The following RPTOR variants were observed in gnomAD, a reference collection of about 807,000 sequenced individuals.
RPTOR encodes the protein regulatory associated protein of MTOR complex 1, also known as regulatory-associated protein of mTOR.
A neutral mutation model predicts 169.9 loss-of-function variants in RPTOR; 21 were observed. That is an observed-to-expected ratio of 0.12 (90% CI 0.09 to 0.18). The LOEUF is 0.18. RPTOR is among the 10% of genes least tolerant of loss of function. The pLI is 1.00. For missense variants in RPTOR, 1,133 were observed against 1,855.9 expected (o/e 0.61, Z 7.16); for synonymous variants, 732 against 753.2 (o/e 0.97, Z 0.46).
Position 80,695,430 on chromosome 17 carries a change from G to T in RPTOR, c.349-12411G>T, listed in dbSNP as rs1349868864. 1.3e-5 allele frequency among the ~76,000 whole-genome samples: 2 copies of T among 152,200 alleles called. No individual in the cohort carries two copies. Among genetic ancestry groups the T allele is most frequent in the Non-Finnish European group, 2.9e-5 (2 of 68,040 alleles). On this transcript the variant is annotated intron_variant, in intron 3 of 33. Coordinates refer to ENST00000306801, the MANE Select transcript of RPTOR (RefSeq NM_020761.3). The surrounding 1 kb of genome is among the most constrained non-coding windows in gnomAD (Gnocchi z 4.9). ...GACTTAAGTTTCCCATCTCTGGGCG[G>T]GACCTGTGCTCTCTCCCTGTAACAG...
rs1321475696 is a variant in RPTOR, at chr17:80,695,275, A to T, written c.349-12566A>T. Among the ~76,000 whole-genome samples the T allele has an allele frequency of 2.0e-5, 3 of 152,160 alleles. No individual in the cohort carries two copies. Among genetic ancestry groups the T allele is most frequent in the Non-Finnish European group, 4.4e-5 (3 of 68,024 alleles). ...ACGGGGGCCCGAGCATTTCCACACG[A>T]GACTTTCACATCAGCCACCCGGGCA... On this transcript the variant is annotated intron_variant, in intron 3 of 33. Transcript: ENST00000306801. This position sits in a 1 kb window ranked among gnomAD's most constrained non-coding sequence, Gnocchi z 4.9.
At chr17:80,616,281 TATTGAAA>T (rs1220081877) in intron 1 of RPTOR, among the ~76,000 whole-genome samples, 1 of 148,564 alleles carries the variant, frequency 6.7e-6, no homozygotes, top group African/African-American at 2.5e-5. Context: ...TCAATCCATT[TATTGAAA>T]ATTGAAAATC....
At chr17:80,902,383 C>T (rs781123782) in intron 20 of RPTOR, among the ~76,000 whole-genome samples, 19 of 152,256 alleles carry the variant, frequency 1.2e-4, no homozygotes, top group African/African-American at 3.4e-4. Context: ...GCCCCTGGCC[C>T]GGCCCCTCTG....
chr17:80,611,971 T>G (rs1241136246), intron 1 of RPTOR, among the ~76,000 whole-genome samples: 3 of 152,210 alleles, frequency 2.0e-5, no homozygotes, highest in African/African-American at 7.2e-5. Context: ...TCCTGCAAAC[T>G]GGAAGTTCAA....
At chr17:80,728,565 T>C (rs2066360595) in intron 4 of RPTOR, among the ~76,000 whole-genome samples, 1 of 152,104 alleles carries the variant, frequency 6.6e-6, no homozygotes. Context: ...TAAAATGCTG[T>C]CCTCATTAGA....
Position 80,646,659 on chromosome 17 carries a change from G to C in RPTOR, c.348+2849G>C, listed in dbSNP as rs1278806466. 6.6e-6 allele frequency among the ~76,000 whole-genome samples: 1 copy of C among 152,170 alleles called. No homozygotes were observed. Among genetic ancestry groups the C allele is most frequent in the East Asian group, 1.9e-4 (1 of 5,184 alleles). ...CACTCTACAGGGCTCTTGAGTTTCT[G>C]CAGTAATAAAGAGAGGTTGATGTGC... On this transcript the variant is annotated intron_variant, in intron 3 of 33. Coordinates refer to ENST00000306801, the MANE Select transcript of RPTOR (RefSeq NM_020761.3). This position sits in a 1 kb window ranked among gnomAD's most constrained non-coding sequence, Gnocchi z 5.0.
rs1333400066 is a variant in RPTOR at position 80,609,903 on chromosome 17, AGTGTAG to A, written c.163-15786_163-15781del. ...ACAACTGACATTTAGCCAATTGAAAAGTGTAGGCCAGGGTGTAGATAGCACATTCCC... is the reference window on the plus strand; with the variant it reads ...ACAACTGACATTTAGCCAATTGAAAAGCCAGGGTGTAGATAGCACATTCCC... On this transcript the variant is annotated intron_variant, in intron 1 of 33. Transcript: ENST00000306801. The surrounding 1 kb of genome is among the most constrained non-coding windows in gnomAD (Gnocchi z 4.8). Among the ~76,000 whole-genome samples, 1 of 152,042 alleles carries A rather than the reference AGTGTAG, an allele frequency of 6.6e-6. No individual in the cohort carries two copies. The highest frequency in any genetic ancestry group is 1.5e-5 in the Non-Finnish European group (1 of 68,010).
Position 80,906,473 on chromosome 17 carries a change from G to A in RPTOR, c.2402-2338G>A, listed in dbSNP as rs1292570744. 3.3e-5 allele frequency among the ~76,000 whole-genome samples: 5 copies of A among 152,206 alleles called. No homozygotes were observed. In the East Asian group the frequency reaches 5.8e-4, roughly 18 times the overall value. On this transcript the variant is annotated intron_variant, in intron 20 of 33. Transcript: ENST00000306801. ...GCAGAAGGTGCATCTGCGTGGCACCGTGGCGCTGAAGTCCAGGTGTGCTTG... is the reference window on the plus strand; with the variant it reads ...GCAGAAGGTGCATCTGCGTGGCACCATGGCGCTGAAGTCCAGGTGTGCTTG...
chr17:80,833,320 A>G (rs1384681050), intron 9 of RPTOR, among the ~76,000 whole-genome samples: 1 of 151,884 alleles, frequency 6.6e-6, no homozygotes, highest in Non-Finnish European at 1.5e-5. Context: ...GCTGGGGGGG[A>G]GGAGCCCACG....
rs923879686 is a variant in RPTOR, at chr17:80,958,604, C to T, written c.3477+874C>T. Among the ~76,000 whole-genome samples, 53 of 151,680 alleles carry T rather than the reference C, an allele frequency of 3.5e-4. 1 individual carries two copies. Among genetic ancestry groups the T allele is most frequent in the African/African-American group, 1.2e-3 (48 of 41,326 alleles). On this transcript the variant is annotated intron_variant, in intron 29 of 33. Coordinates refer to ENST00000306801, the MANE Select transcript of RPTOR (RefSeq NM_020761.3). ...TTTTTTTTTGTATTTTTAGTGGAGA[C>T]GGCGTTTCACGTGTTAGCCAGAATG...
intron 13 of RPTOR, among the ~76,000 whole-genome samples, chr17:80,868,475 T>C (rs942669259): frequency 6.6e-6 from 1 of 152,194 alleles, no homozygotes; most frequent in Admixed American, 6.5e-5. Flanking sequence ...GCTGCTGTTA[T>C]CAAGTGTCGG....
At chr17:80,890,386 C>T (rs1380209282) in intron 17 of RPTOR, among the ~76,000 whole-genome samples, 1 of 152,248 alleles carries the variant, frequency 6.6e-6, no homozygotes, top group Non-Finnish European at 1.5e-5. Flanking sequence ...TGCCTCACTC[C>T]TCTTGCACAG....
intron 6 of RPTOR, among the ~76,000 whole-genome samples, chr17:80,780,554 C>T (rs566790865): frequency 5.9e-5 from 9 of 152,276 alleles, no homozygotes; most frequent in South Asian, 4.1e-4. Flanking sequence ...GAGGACATCT[C>T]GGCAGGGCTG....
intron 1 of RPTOR, among the ~76,000 whole-genome samples, chr17:80,583,673 G>A (rs947639518): frequency 3.9e-5 from 6 of 152,210 alleles, no homozygotes; most frequent in African/African-American, 7.2e-5. Context: ...CTCCCAACCC[G>A]GTAGTGAAGG....
intron 6 of RPTOR, among the ~76,000 whole-genome samples, chr17:80,785,910 G>A (rs977509978): frequency 6.6e-6 from 1 of 152,192 alleles, no homozygotes; most frequent in Admixed American, 6.5e-5. Context: ...AGAGCAGGGG[G>A]GTGCCACACT....
At chr17:80,925,267 C>T in intron 23 of RPTOR, 103 bp from the exon 24 acceptor site, 1 of 945,304 alleles carries the variant, frequency 1.1e-6, no homozygotes, top group South Asian at 1.5e-5. Flanking sequence ...CCCGGTGCTC[C>T]CGGCAGCGCC....
chr17:80,892,299 G>A (rs956501439), intron 18 of RPTOR, among the ~76,000 whole-genome samples: 7 of 152,146 alleles, frequency 4.6e-5, no homozygotes, highest in African/African-American at 1.7e-4. Flanking sequence ...AGCCGTCTCT[G>A]CCGTGCAGGG....
At chr17:80,940,916 T>G (rs533452694) in intron 25 of RPTOR, among the ~76,000 whole-genome samples, 1 of 152,240 alleles carries the variant, frequency 6.6e-6, no homozygotes, top group South Asian at 2.1e-4. Context: ...CCCTCAGCCC[T>G]CGGGATTATC....
rs1598331510 is a variant in RPTOR at position 80,823,808 on chromosome 17, T to C, written c.1136+585T>C. The stretch of plus-strand genomic sequence containing the variant: ...TGTGATTTGTTTTTAGTCTAGACAT[T>C]ATATTTGAAGACGTTTGGTTTCTTT... On this transcript the variant is annotated intron_variant, in intron 9 of 33. Transcript: ENST00000306801. This position sits in a 1 kb window ranked among gnomAD's most constrained non-coding sequence, Gnocchi z 4.5. 6.6e-6 allele frequency among the ~76,000 whole-genome samples: 1 copy of C among 152,224 alleles called. No individual in the cohort carries two copies.
Sources: gnomAD v4.1 joint callset for allele counts (sites outside exome capture counted in the v4.1 genomes callset) on GRCh38, gnomAD v4.1.1 for gene constraint, Gnocchi (gnomAD v3.1) non-coding constraint, MANE v1.5 for transcripts, NCBI Gene and HGNC (gene_info 2026-07-23, HGNC 2026-07-21) for gene names.